SHISA9: variants seen among roughly 807,000 people sequenced by gnomAD.
SHISA9 encodes shisa family member 9, also known as protein shisa-9.
SHISA9 carries 13 observed loss-of-function variants against 38.0 expected under a neutral mutation model. That is an observed-to-expected ratio of 0.34 (90% CI 0.22 to 0.54). SHISA9 has a LOEUF of 0.54. Ranked by LOEUF, SHISA9 falls within the 20% of genes least tolerant of loss-of-function variation. SHISA9 has a pLI of 0.91. For missense variants in SHISA9, 538 were observed against 575.8 expected (o/e 0.93, Z 0.67); for synonymous variants, 275 against 242.0 (o/e 1.14, Z -1.27).
chr16:13,530,887 C>T, the SHISA9 span, among the ~76,000 whole-genome samples: 4 of 152,250 alleles, frequency 2.6e-5, no homozygotes, highest in East Asian at 1.9e-4. Context: ...CAAGAACAGG[C>T]GCTTGCTAGA....
the SHISA9 span, among the ~76,000 whole-genome samples, chr16:13,303,399 G>A: frequency 6.6e-6 from 1 of 152,172 alleles, no homozygotes; most frequent in Non-Finnish European, 1.5e-5. Context: ...ATATTGCTCA[G>A]CCATAAAAAG....
At chr16:13,126,697 A>G (rs111065641) in intron 2 of SHISA9, among the ~76,000 whole-genome samples, 64 of 125,952 alleles carry the variant, frequency 5.1e-4, no homozygotes, top group Middle Eastern at 5.7e-3. Context: ...GGGAAGAAGA[A>G]AGTGGGAGGG....
the SHISA9 span, among the ~76,000 whole-genome samples, chr16:13,408,263 T>G: frequency 6.6e-6 from 1 of 152,088 alleles, no homozygotes; most frequent in Non-Finnish European, 1.5e-5. Flanking sequence ...AACACAAAAT[T>G]AAAATATAAA....
chr16:13,055,278 G>A (rs1420137484), intron 2 of SHISA9, among the ~76,000 whole-genome samples: 4 of 152,152 alleles, frequency 2.6e-5, no homozygotes, highest in Admixed American at 6.5e-5. Context: ...TAAATAGAAC[G>A]AGAATTAGAA....
chr16:12,981,649 C>T (rs1222091906), intron 2 of SHISA9, among the ~76,000 whole-genome samples: 2 of 152,170 alleles, frequency 1.3e-5, no homozygotes, highest in Non-Finnish European at 2.9e-5. Context: ...GTCTTCGTTA[C>T]AGGCTGAATT....
the SHISA9 span, among the ~76,000 whole-genome samples, chr16:13,553,288 G>A: frequency 6.6e-6 from 1 of 152,184 alleles, no homozygotes; most frequent in South Asian, 2.1e-4. Flanking sequence ...ACTTGACTAA[G>A]ATGACACATA....
chr16:13,200,445 A>ACAC (rs1444256867), intron 2 of SHISA9, among the ~76,000 whole-genome samples: 6 of 100,776 alleles, frequency 6.0e-5, no homozygotes, highest in African/African-American at 2.8e-4. Context: ...CACACACAGC[A>ACAC]GCAGCAGCAG....
At chr16:13,410,081 C>G in the SHISA9 span, among the ~76,000 whole-genome samples, 108 of 152,302 alleles carry the variant, frequency 7.1e-4, no homozygotes, top group African/African-American at 2.3e-3. Context: ...ATAGAACTTT[C>G]CTTTTTTCTC....
chr16:12,993,716 T>C (rs994611157), intron 2 of SHISA9, among the ~76,000 whole-genome samples: 1 of 152,174 alleles, frequency 6.6e-6, no homozygotes, highest in Non-Finnish European at 1.5e-5. Context: ...TTTCAATCTG[T>C]AGTAAACACA....
chr16:13,279,406 C>T, the SHISA9 span, among the ~76,000 whole-genome samples: 14 of 151,786 alleles, frequency 9.2e-5, no homozygotes, highest in Middle Eastern at 3.2e-3. Context: ...CTGTTATGTC[C>T]ATTTGTTCCA....
At chr16:13,480,359 A>T in the SHISA9 span, among the ~76,000 whole-genome samples, 2 of 152,070 alleles carry the variant, frequency 1.3e-5, no homozygotes, top group Admixed American at 6.6e-5. Flanking sequence ...ATCTGGTCAA[A>T]ACCAGGACCA....
the SHISA9 span, among the ~76,000 whole-genome samples, chr16:13,507,944 G>A: frequency 2.0e-5 from 3 of 152,188 alleles, no homozygotes; most frequent in Non-Finnish European, 2.9e-5. Context: ...GATTGCAACT[G>A]TAATGCATAC....
intron 2 of SHISA9, among the ~76,000 whole-genome samples, chr16:13,198,262 A>ATATGCATACATATATACTTGTGTGTT (rs2050968464): frequency 8.7e-6 from 1 of 115,024 alleles, no homozygotes; most frequent in African/African-American, 3.2e-5. Context: ...ACTTGTGTGT[A>ATATGCATACATATATACTTGTGTGTT]TATGCATACA....
rs1489088219 is a variant in SHISA9, at chr16:13,238,415, A to G, written c.*3006A>G. ...CCAGCTCAAAGTTTCCATAATTCTT[A>G]TCTCCCTTTTACCTCGTGGTTGCTC... On this transcript the variant is annotated 3_prime_UTR_variant, in exon 5 of 5. Coordinates refer to ENST00000558583, the MANE Select transcript of SHISA9 (RefSeq NM_001145204.3). 6.6e-6 allele frequency: 1 copy of G among 152,070 alleles called. No homozygotes were observed. Among genetic ancestry groups the G allele is most frequent in the Admixed American group, 6.5e-5 (1 of 15,278 alleles). The allele number at this position is 152,070 out of a possible 1,614,324, so 9.4% of individuals were successfully genotyped here.
At chr16:13,182,721 A>G (rs1413929386) in intron 2 of SHISA9, among the ~76,000 whole-genome samples, 1 of 152,244 alleles carries the variant, frequency 6.6e-6, no homozygotes, top group Non-Finnish European at 1.5e-5. Flanking sequence ...ACTAGGTGGA[A>G]AAAACGTCAA....
At chr16:13,466,998 A>G in the SHISA9 span, among the ~76,000 whole-genome samples, 131 of 152,306 alleles carry the variant, frequency 8.6e-4, no homozygotes, top group African/African-American at 3.0e-3. Context: ...TGGAATTATG[A>G]CCTTGTTATG....
chr16:13,188,847 G>A (rs982294967), intron 2 of SHISA9, among the ~76,000 whole-genome samples: 1 of 149,808 alleles, frequency 6.7e-6, no homozygotes, highest in African/African-American at 2.5e-5. Context: ...CTATCACCCA[G>A]TACCCCCAGA....
At chr16:13,421,968 C>T in the SHISA9 span, among the ~76,000 whole-genome samples, 1 of 152,174 alleles carries the variant, frequency 6.6e-6, no homozygotes, top group Non-Finnish European at 1.5e-5. Context: ...GATCTAAGCC[C>T]TTTGTGGGGC....
At chr16:13,297,349 A>T in the SHISA9 span, among the ~76,000 whole-genome samples, 1 of 152,312 alleles carries the variant, frequency 6.6e-6, no homozygotes, top group East Asian at 1.9e-4. Context: ...TAATTTGGCC[A>T]TATAATTTTT....
Sources: allele counts gnomAD v4.1 joint callset (sites outside exome capture counted in the v4.1 genomes callset), GRCh38; gene constraint gnomAD v4.1.1; transcripts MANE v1.5; gene names NCBI Gene and HGNC (gene_info 2026-07-23, HGNC 2026-07-21).